Variants in NR5A1 observed in about 807,000 individuals in gnomAD.
NR5A1 encodes nuclear receptor subfamily 5 group A member 1.
NR5A1 carries 6 observed loss-of-function variants against 42.7 expected under a neutral mutation model. That is an observed-to-expected ratio of 0.14 (90% CI 0.08 to 0.28). NR5A1 has a LOEUF of 0.28. NR5A1 is among the 10% of genes least tolerant of loss of function. The pLI is 1.00. For missense variants in NR5A1, 442 were observed against 626.4 expected (o/e 0.71, Z 3.14); for synonymous variants, 274 against 277.5 (o/e 0.99, Z 0.12).
chr9:124,495,387 C>A (rs1832376357), intron 4 of NR5A1, among the ~76,000 whole-genome samples: 1 of 152,232 alleles, frequency 6.6e-6, no homozygotes, highest in Non-Finnish European at 1.5e-5. Context: ...CTCACCCCTG[C>A]CCTGCCGACA....
At chr9:124,502,963 G>A (rs1047326217) in intron 3 of NR5A1, 116 bp downstream of exon 3, 1 of 1,360,204 alleles carries the variant, frequency 7.4e-7, no homozygotes, top group Non-Finnish European at 9.8e-7. Flanking sequence ...CCCTAATGTC[G>A]CACGAGGGGC....
In NR5A1 at chr9:124,500,504, C is replaced by G; in HGVS notation, c.456G>C (p.Leu152=). The G allele has an allele frequency of 6.2e-7, 1 of 1,605,352 alleles. No homozygotes were observed. The highest frequency in any genetic ancestry group is 8.5e-7 in the Non-Finnish European group (1 of 1,178,084). The change falls in exon 4 of 7, where the codon CTG becomes CTC. Residue 152 remains leucine (L), a synonymous_variant. Transcript: ENST00000373588. This position sits in a 1 kb window ranked among gnomAD's most constrained non-coding sequence, Gnocchi z 6.9. ...PSLHGPEPKG[L]AAGPPAGPLG... ...GTGGCCCAGCAGGTGGACCGGCGGC[C>G]AGGCCCTTGGGCTCAGGCCCATGCA...
Position 124,504,055 on chromosome 9 carries a change from G to C in NR5A1, c.-15-645C>G, listed in dbSNP as rs1038668967. On this transcript the variant is annotated intron_variant, in intron 1 of 6. Coordinates refer to ENST00000373588, the MANE Select transcript of NR5A1 (RefSeq NM_004959.5). ...GAGAGAGAGAGAGAGAGAGAGACGA[G>C]AGAGAGAGAGAGAGAGAGAAACGAG... is the stretch of plus-strand genomic sequence containing the variant. 3.4e-5 allele frequency among the ~76,000 whole-genome samples: 5 copies of C among 147,438 alleles called. No individual in the cohort carries two copies. In the East Asian group the frequency reaches 9.8e-4, roughly 29 times the overall value.
chr9:124,484,479 A>C (rs1211489562), intron 6 of NR5A1, among the ~76,000 whole-genome samples: 1 of 152,204 alleles, frequency 6.6e-6, no homozygotes, highest in Non-Finnish European at 1.5e-5. Context: ...GGCCGGGCGT[A>C]GTGGTTCACA....
chr9:124,491,271 G>A (rs1832303828), intron 5 of NR5A1, 43 bp from the exon 6 acceptor site: 2 of 1,523,862 alleles, frequency 1.3e-6, no homozygotes, highest in African/African-American at 1.4e-5. Flanking sequence ...CAGAGGACGT[G>A]GGTCCGGGCA....
Position 124,482,572 on chromosome 9 carries a change from C to A in NR5A1, c.*186G>T. 1.5e-6 allele frequency: 1 copy of A among 684,944 alleles called. No homozygotes were observed. The highest frequency in any genetic ancestry group is 2.3e-6 in the Non-Finnish European group (1 of 433,052). The allele number at this position is 684,944 out of a possible 1,614,324, so 42.4% of individuals were successfully genotyped here. A position where few individuals can be genotyped will look rare whatever the true frequency, so the allele number is the denominator to read the frequency against. On this transcript the variant is annotated 3_prime_UTR_variant, in exon 7 of 7. Coordinates refer to ENST00000373588, the MANE Select transcript of NR5A1 (RefSeq NM_004959.5). ...CCACTCCACCTCCGCCAGGCCCTGC[C>A]CAGCCTCACCCACCTTCCCAAACAC...
intron 1 of NR5A1, among the ~76,000 whole-genome samples, chr9:124,505,056 C>G (rs1304188326): frequency 1.3e-5 from 2 of 151,954 alleles, no homozygotes; most frequent in Admixed American, 6.5e-5. Flanking sequence ...GAGGCCCGGT[C>G]GTGTCCTCCC....
At chr9:124,494,781 G>A (rs554793551) in intron 4 of NR5A1, among the ~76,000 whole-genome samples, 1 of 151,538 alleles carries the variant, frequency 6.6e-6, no homozygotes, top group Admixed American at 6.6e-5. Flanking sequence ...TGGGGGCCAG[G>A]GGCTCAGAAG....
rs570340416 is a variant in NR5A1, at chr9:124,498,787, C to T, written c.870+1303G>A. On this transcript the variant is annotated intron_variant, in intron 4 of 6. Transcript: ENST00000373588. The surrounding 1 kb of genome is among the most constrained non-coding windows in gnomAD (Gnocchi z 4.6). ...CCCATGACAGACACATGGTACATCC[C>T]CAGGCCTCAGCCATGACAGGCGCTC... is the stretch of plus-strand genomic sequence containing the variant. Among the ~76,000 whole-genome samples, 18 of 152,320 alleles carry T rather than the reference C, an allele frequency of 1.2e-4. No individual in the cohort carries two copies. Among genetic ancestry groups the T allele is most frequent in the East Asian group, 5.8e-4 (3 of 5,188 alleles).
At chr9:124,492,632 C>T (rs1263542383) in intron 5 of NR5A1, among the ~76,000 whole-genome samples, 1 of 152,156 alleles carries the variant, frequency 6.6e-6, no homozygotes, top group Admixed American at 6.5e-5. Context: ...ACCAGCAGGG[C>T]CCGGGGGCTC....
Position 124,503,545 on chromosome 9 carries a change from A to G in NR5A1, c.-15-135T>C, listed in dbSNP as rs1832501396. ...TGCCCAGGCGCTGCCGCCGGCACCCACCGAGCGCCCCGCGCAGCGTCCCGG... is the reference window on the plus strand; with the variant it reads ...TGCCCAGGCGCTGCCGCCGGCACCCGCCGAGCGCCCCGCGCAGCGTCCCGG... On this transcript the variant is annotated intron_variant, in intron 1 of 6. Transcript: ENST00000373588. The surrounding 1 kb of genome is among the most constrained non-coding windows in gnomAD (Gnocchi z 9.6). 1 of 638,078 alleles carries G rather than the reference A, an allele frequency of 1.6e-6. No individual in the cohort carries two copies. The highest frequency in any genetic ancestry group is 2.4e-6 in the Non-Finnish European group (1 of 408,698). 39.5% of individuals were successfully genotyped at this position (638,078 alleles called of 1,614,324 possible).
intron 4 of NR5A1, 145 bp from the exon 5 acceptor site, chr9:124,493,294 G>T (rs995786788): frequency 1.4e-5 from 16 of 1,129,064 alleles, no homozygotes; most frequent in Non-Finnish European, 1.9e-5. Flanking sequence ...AGATGTCTAG[G>T]CTATCAAAGT....
At chr9:124,492,009 AC>A (rs1461703563) in intron 5 of NR5A1, among the ~76,000 whole-genome samples, 2 of 149,904 alleles carry the variant, frequency 1.3e-5, no homozygotes, top group East Asian at 2.0e-4. Flanking sequence ...CCCCAAAGAC[AC>A]CCCCCTGGGA....
At chr9:124,502,382 T>C (rs1005649405) in intron 3 of NR5A1, among the ~76,000 whole-genome samples, 10 of 152,092 alleles carry the variant, frequency 6.6e-5, no homozygotes, top group African/African-American at 2.4e-4. Flanking sequence ...CAGGCTGGAG[T>C]GGAGTGGTGT....
In NR5A1 at chr9:124,500,532, C is replaced by G. The variant is rs944587497; in HGVS notation, c.428G>C (p.Ser143Thr). 6 of 1,608,544 alleles carry G rather than the reference C, an allele frequency of 3.7e-6. No individual in the cohort carries two copies. Among genetic ancestry groups the G allele is most frequent in the Admixed American group, 3.3e-5 (2 of 59,946 alleles). ...GCCCTTGGGCTCAGGCCCATGCAGG[C>G]TGGGAGGCAGCACGTAGTCCGGTGC... ...PPAPDYVLPP[S>T]LHGPEPKGLA... The change falls in exon 4 of 7, where the codon AGC (serine) becomes ACC (threonine). Residue 143 changes from serine (S) to threonine (T), a missense_variant. By Grantham distance (58) the Ser-to-Thr change is moderately conservative. This residue lies in a region of NR5A1 where 208 missense variants were observed against 203.8 expected (regional missense o/e 1.02). Transcript: ENST00000373588. The surrounding 1 kb of genome is among the most constrained non-coding windows in gnomAD (Gnocchi z 6.9).
chr9:124,505,238 G>A (rs1171426664), intron 1 of NR5A1, among the ~76,000 whole-genome samples: 1 of 152,224 alleles, frequency 6.6e-6, no homozygotes, highest in Non-Finnish European at 1.5e-5. Context: ...GGGGCCTTGG[G>A]TCACCCGCCT....
chr9:124,500,495 A>G lies in NR5A1; in HGVS notation c.465T>C (p.Gly155=). 1 of 1,603,502 alleles carries G rather than the reference A, an allele frequency of 6.2e-7. No homozygotes were observed. Among genetic ancestry groups the G allele is most frequent in the East Asian group, 2.2e-5 (1 of 44,640 alleles). ...AGTCGCCCAGTGGCCCAGCAGGTGGACCGGCGGCCAGGCCCTTGGGCTCAG... is the reference window on the plus strand; with the variant it reads ...AGTCGCCCAGTGGCCCAGCAGGTGGGCCGGCGGCCAGGCCCTTGGGCTCAG... ...HGPEPKGLAA[G]PPAGPLGDFG... The change falls in exon 4 of 7, where the codon GGT becomes GGC. Residue 155 remains glycine, a synonymous_variant. Transcript: ENST00000373588. This position sits in a 1 kb window ranked among gnomAD's most constrained non-coding sequence, Gnocchi z 6.9.
Position 124,483,023 on chromosome 9 carries a change from C to T in NR5A1, c.1139-18G>A, listed in dbSNP as rs1329607799. The T allele has an allele frequency of 2.5e-6, 4 of 1,613,392 alleles. No homozygotes were observed. Among genetic ancestry groups the T allele is most frequent in the Non-Finnish European group, 3.4e-6 (4 of 1,180,018 alleles). ...CTTCAAATCTGCAAAGGGAGGTTCT[C>T]GGTCACCATCGCGTCACCATCCATG... On this transcript the variant is annotated intron_variant, in intron 6 of 6. Coordinates refer to ENST00000373588, the MANE Select transcript of NR5A1 (RefSeq NM_004959.5).
chr9:124,500,590 G>A lies in NR5A1; in HGVS notation c.370C>T (p.Pro124Ser), dbSNP rs777629132. Residue 124 changes from proline to serine, a missense_variant, in exon 4 of 7, where the codon CCC (proline) becomes TCC (serine). By Grantham distance (74) the Pro-to-Ser change is moderately conservative (BLOSUM62 -1). Around this residue, in one of 3 missense-constraint regions of NR5A1, gnomAD observed 208 missense variants for 203.8 expected, o/e 1.02. Coordinates refer to ENST00000373588, the MANE Select transcript of NR5A1 (RefSeq NM_004959.5). This position sits in a 1 kb window ranked among gnomAD's most constrained non-coding sequence, Gnocchi z 6.9. ...RANGFKLETGPPMGVPPPPPP... is the reference protein window; with the variant it reads ...RANGFKLETGSPMGVPPPPPP... ...GGCGGCGGGGGCACCCCCATCGGGG[G>A]CCCTGTCTCCAGCTTGAAGCCATTG... The A allele has an allele frequency of 6.2e-7, 1 of 1,612,114 alleles. No homozygotes were observed. Among genetic ancestry groups the A allele is most frequent in the Admixed American group, 1.7e-5 (1 of 60,006 alleles).
Sources: allele counts gnomAD v4.1 joint callset (sites outside exome capture counted in the v4.1 genomes callset), GRCh38; gene constraint gnomAD v4.1.1; regional missense constraint gnomAD v4.1.1; non-coding constraint Gnocchi (gnomAD v3.1); transcripts MANE v1.5; gene names NCBI Gene and HGNC (gene_info 2026-07-23, HGNC 2026-07-21).